NRXN1: variants seen among roughly 807,000 people sequenced by gnomAD.
NRXN1 encodes the protein neurexin 1.
A neutral mutation model predicts 150.9 loss-of-function variants in NRXN1; 39 were observed. The ratio of observed to expected loss-of-function variants is 0.26; its 90% confidence interval spans 0.20 to 0.34. NRXN1 has a LOEUF of 0.34. Ranked by LOEUF, NRXN1 falls within the 10% of genes least tolerant of loss-of-function variation. The pLI is 1.00. For missense variants in NRXN1, 1,815 were observed against 1,949.9 expected (o/e 0.93, Z 1.30); for synonymous variants, 924 against 757.0 (o/e 1.22, Z -3.62).
At chr2:50,830,304 G>A (rs1210665317) in intron 5 of NRXN1, among the ~76,000 whole-genome samples, 1 of 151,996 alleles carries the variant, frequency 6.6e-6, no homozygotes, top group Admixed American at 6.6e-5. Context: ...CTTGAAGAAG[G>A]AGTATTTTGT....
chr2:50,155,285 C>T (rs1405639283), intron 18 of NRXN1, among the ~76,000 whole-genome samples: 1 of 151,362 alleles, frequency 6.6e-6, no homozygotes, highest in Non-Finnish European at 1.5e-5. Flanking sequence ...TCTAGCATCC[C>T]CAAGTCTATA....
chr2:50,165,800 A>G (rs72881281), intron 18 of NRXN1, among the ~76,000 whole-genome samples: 9,086 of 150,328 alleles, frequency 0.06, 326 homozygotes, highest in Middle Eastern at 0.11. Context: ...TATGCAAACA[A>G]TGATATTATT....
At chr2:50,565,731 C>T (rs558713396) in intron 8 of NRXN1, among the ~76,000 whole-genome samples, 2 of 152,194 alleles carry the variant, frequency 1.3e-5, no homozygotes, top group Admixed American at 1.3e-4. Context: ...TACCAGCCTA[C>T]TTATCATTAC....
intron 21 of NRXN1, among the ~76,000 whole-genome samples, chr2:49,947,800 G>T (rs900699455): frequency 1.3e-5 from 2 of 151,816 alleles, no homozygotes; most frequent in Non-Finnish European, 2.9e-5. Flanking sequence ...TAAAAATATG[G>T]ACAGCATAAT....
chr2:50,733,081 A>T (rs1181752538), intron 5 of NRXN1, among the ~76,000 whole-genome samples: 2 of 152,180 alleles, frequency 1.3e-5, no homozygotes, highest in Admixed American at 6.5e-5. Context: ...ACTGACTGAA[A>T]TATCTAATGA....
chr2:49,973,434 C>A (rs1229545693), intron 21 of NRXN1, among the ~76,000 whole-genome samples: 1 of 152,118 alleles, frequency 6.6e-6, no homozygotes, highest in Non-Finnish European at 1.5e-5. Context: ...GACATTCCAT[C>A]TTTACAAATG....
chr2:50,237,808 T>C (rs1401901196), intron 17 of NRXN1, among the ~76,000 whole-genome samples: 1 of 151,944 alleles, frequency 6.6e-6, no homozygotes, highest in Non-Finnish European at 1.5e-5. Flanking sequence ...CCCACTCAAA[T>C]CTCATCTGAA....
At chr2:50,411,076 T>A (rs930566386) in intron 17 of NRXN1, among the ~76,000 whole-genome samples, 1 of 149,394 alleles carries the variant, frequency 6.7e-6, no homozygotes, top group Non-Finnish European at 1.5e-5. Context: ...CCTCTTTGCA[T>A]GGTCTCCCTC....
At chr2:50,385,714 A>G (rs768118963) in intron 17 of NRXN1, among the ~76,000 whole-genome samples, 9 of 152,172 alleles carry the variant, frequency 5.9e-5, no homozygotes, top group South Asian at 2.1e-4. Flanking sequence ...ATCACTTAGA[A>G]TACCAACAAT....
intron 9 of NRXN1, 49 bp downstream of exon 9, chr2:50,552,538 G>T: frequency 7.2e-7 from 1 of 1,392,622 alleles, no homozygotes; most frequent in Non-Finnish European, 1.0e-6. Context: ...TGGCATGGGT[G>T]GGTGGGGTGC....
intron 17 of NRXN1, among the ~76,000 whole-genome samples, chr2:50,429,527 G>C (rs1186680875): frequency 1.3e-5 from 2 of 152,052 alleles, no homozygotes; most frequent in Non-Finnish European, 2.9e-5. Flanking sequence ...AAAGTGGTGG[G>C]ATTACAGGCA....
At chr2:50,433,974 T>C (rs537069417) in intron 17 of NRXN1, among the ~76,000 whole-genome samples, 108 of 151,756 alleles carry the variant, frequency 7.1e-4, no homozygotes, top group African/African-American at 2.5e-3. Flanking sequence ...TATGTTTCAC[T>C]TAGGTTCTGA....
intron 17 of NRXN1, among the ~76,000 whole-genome samples, chr2:50,382,797 T>C (rs1335275259): frequency 6.6e-6 from 1 of 152,068 alleles, no homozygotes; most frequent in African/African-American, 2.4e-5. Context: ...TGAATGTCAG[T>C]TGTCTCTGAA....
rs1336088502 is a variant in NRXN1, at chr2:50,371,579, A to C, written c.3364+93863T>G. ...AGAGTTGCAAGGTTAATTAAATTAT[A>C]GACCAGATTTTTATCCTGGGATCTA... On this transcript the variant is annotated intron_variant, in intron 17 of 22. Transcript: ENST00000401669. 1.3e-5 allele frequency among the ~76,000 whole-genome samples: 2 copies of C among 152,062 alleles called. 1 individual carries two copies. Among genetic ancestry groups the C allele is most frequent in the South Asian group, 4.1e-4 (2 of 4,834 alleles).
chr2:51,002,453 T>C (rs927718292), intron 2 of NRXN1, among the ~76,000 whole-genome samples: 32 of 151,964 alleles, frequency 2.1e-4, no homozygotes, highest in African/African-American at 7.2e-4. Context: ...TAGTGTACCA[T>C]TGCTTCTGTG....
At chr2:50,447,737 TTATA>T (rs70948710) in intron 17 of NRXN1, among the ~76,000 whole-genome samples, 561 of 37,746 alleles carry the variant, frequency 0.015, 6 homozygotes, top group South Asian at 0.082. Context: ...CAGGGGAACG[TTATA>T]TATATATATA....
chr2:50,720,962 C>T (rs923834639), intron 5 of NRXN1, among the ~76,000 whole-genome samples: 25 of 152,150 alleles, frequency 1.6e-4, no homozygotes, highest in African/African-American at 5.6e-4. Flanking sequence ...TTCCAGTCTG[C>T]AATCCTACAA....
Position 50,552,921 on chromosome 2 carries a change from A to T in NRXN1, c.1425T>A (p.Asn475Lys). Residue 475 changes from asparagine (N) to lysine (K), a missense_variant, in exon 9 of 23, where the codon AAT becomes AAA. Asn to Lys is a moderately conservative substitution (Grantham distance 94). This residue lies in a region of NRXN1 where 638 missense variants were observed against 652.6 expected (regional missense o/e 0.98). Coordinates refer to ENST00000401669, the MANE Select transcript of NRXN1 (RefSeq NM_001330078.2). ...AGGTGATTGGGTCTAAAGTTGCAAC[A>T]TTCTCACATTTAAATGCCACCACTC... ...IHGVVAFKCE[N>K]VATLDPITFE... 1 of 1,613,940 alleles carries T rather than the reference A, an allele frequency of 6.2e-7. No individual in the cohort carries two copies. The highest frequency in any genetic ancestry group is 8.5e-7 in the Non-Finnish European group (1 of 1,179,798).
At chr2:50,665,207 C>G (rs930662874) in intron 5 of NRXN1, among the ~76,000 whole-genome samples, 4 of 151,804 alleles carry the variant, frequency 2.6e-5, no homozygotes, top group Admixed American at 1.3e-4. Flanking sequence ...TTTAATAGAT[C>G]TACTACTTTT....
Sources: allele counts gnomAD v4.1 joint callset (sites outside exome capture counted in the v4.1 genomes callset), GRCh38; gene constraint gnomAD v4.1.1; regional missense constraint gnomAD v4.1.1; transcripts MANE v1.5; gene names NCBI Gene and HGNC (gene_info 2026-07-23, HGNC 2026-07-21).